The following C1orf185 variants were observed in gnomAD, a reference collection of about 807,000 sequenced individuals.
The protein encoded by C1orf185 is chromosome 1 open reading frame 185.
In C1orf185, 13 loss-of-function variants were observed where a neutral mutation model predicts 16.1. The ratio of observed to expected loss-of-function variants is 0.81; its 90% CI spans 0.53 to 1.28. The LOEUF is 1.28. Among genes scored for constraint, C1orf185 ranks in the 50% most tolerant of loss-of-function variants. The probability of loss-of-function intolerance (pLI) is 0.00; values close to 1 mark genes in which losing one functional copy is unlikely to be tolerated. For missense variants in C1orf185, 220 were observed against 225.2 expected (o/e 0.98, Z 0.15); for synonymous variants, 80 against 76.9 (o/e 1.04, Z -0.21).
chr1:51,135,579 C>T (rs1333158533), intron 3 of C1orf185, among the ~76,000 whole-genome samples: 10 of 151,988 alleles, frequency 6.6e-5, no homozygotes, highest in South Asian at 4.2e-4. Flanking sequence ...CAATAGATGC[C>T]GAAAAGCCTT....
intron 3 of C1orf185, among the ~76,000 whole-genome samples, chr1:51,138,578 G>A (rs1350278251): frequency 6.6e-6 from 1 of 152,118 alleles, no homozygotes; most frequent in Non-Finnish European, 1.5e-5. Flanking sequence ...ATTGTTAGCA[G>A]AGACGGGCTT....
downstream of C1orf185, among the ~76,000 whole-genome samples, chr1:51,152,033 G>A (rs1646431689): frequency 6.6e-6 from 1 of 151,954 alleles, no homozygotes. Flanking sequence ...TCACTATTCT[G>A]CTCAGGTTAC....
chr1:51,131,617 GAA>G (rs954145513), intron 3 of C1orf185, among the ~76,000 whole-genome samples: 2 of 151,738 alleles, frequency 1.3e-5, no homozygotes, highest in Non-Finnish European at 2.9e-5. Flanking sequence ...CTAGCAAAAA[GAA>G]AGAGAGAGAG....
At position 51,147,784 on chromosome 1, in the gene C1orf185, T is replaced by A; in HGVS notation, c.*13T>A. 6.7e-7 allele frequency: 1 copy of A among 1,486,844 alleles called. No homozygotes were observed. Among genetic ancestry groups the A allele is most frequent in the Non-Finnish European group, 9.0e-7 (1 of 1,115,236 alleles). 92.1% of individuals were successfully genotyped at this position (1,486,844 alleles called of 1,614,324 possible). On this transcript the variant is annotated 3_prime_UTR_variant, in exon 5 of 5. Coordinates refer to ENST00000371759, the MANE Select transcript of C1orf185 (RefSeq NM_001136508.2). Reference sequence around the variant, plus strand: ...TGACACTTTATGACCATCAAAAAGATGACTACATTAAGGGAAAATGTTCAT... The same window carrying A: ...TGACACTTTATGACCATCAAAAAGAAGACTACATTAAGGGAAAATGTTCAT...
At chr1:51,112,121 A>C (rs1243021323) in intron 1 of C1orf185, among the ~76,000 whole-genome samples, 1 of 152,088 alleles carries the variant, frequency 6.6e-6, no homozygotes, top group Non-Finnish European at 1.5e-5. Context: ...CCTGCCAGGA[A>C]TGATACGGGA....
At chr1:51,149,407 A>G (rs1646419683), downstream of C1orf185, among the ~76,000 whole-genome samples, 1 of 152,144 alleles carries the variant, frequency 6.6e-6, no homozygotes, top group Admixed American at 6.6e-5. Context: ...GCACCTGGTC[A>G]TTTTTACACA....
chr1:51,132,759 T>C (rs904602972), intron 3 of C1orf185, among the ~76,000 whole-genome samples: 3 of 151,948 alleles, frequency 2.0e-5, no homozygotes, highest in Admixed American at 6.6e-5. Flanking sequence ...CACATAATCA[T>C]TGGATTCTCC....
At chr1:51,105,310 A>C (rs749025229) in intron 1 of C1orf185, among the ~76,000 whole-genome samples, 10 of 152,200 alleles carry the variant, frequency 6.6e-5, no homozygotes, top group South Asian at 6.2e-4. Context: ...AGTAATTGGC[A>C]ATAGAAAATT....
downstream of C1orf185, among the ~76,000 whole-genome samples, chr1:51,152,235 C>T (rs1042589809): frequency 1.3e-5 from 2 of 152,116 alleles, no homozygotes; most frequent in East Asian, 1.9e-4. Context: ...GGACATAGGG[C>T]GGAGGAGTAA....
intron 3 of C1orf185, among the ~76,000 whole-genome samples, chr1:51,122,089 G>A (rs999876672): frequency 5.3e-5 from 8 of 152,206 alleles, no homozygotes; most frequent in East Asian, 1.9e-4. Context: ...TCCAGTTGAT[G>A]TATGTAGCCA....
intron 3 of C1orf185, among the ~76,000 whole-genome samples, chr1:51,119,808 A>T (rs113494293): frequency 1.9e-4 from 29 of 152,280 alleles, no homozygotes; most frequent in African/African-American, 6.0e-4. Flanking sequence ...AAAAACAAAC[A>T]CATTTGTTGA....
intron 3 of C1orf185, among the ~76,000 whole-genome samples, chr1:51,125,489 C>G (rs565286206): frequency 2.6e-5 from 4 of 152,176 alleles, no homozygotes; most frequent in African/African-American, 7.2e-5. Flanking sequence ...TCTTGAAGGG[C>G]CTTGTAAACC....
intron 3 of C1orf185, among the ~76,000 whole-genome samples, chr1:51,139,008 A>C (rs1646346121): frequency 6.6e-6 from 1 of 152,086 alleles, no homozygotes; most frequent in African/African-American, 2.4e-5. Context: ...TTTCTTTTAC[A>C]TATGGATGAT....
At chr1:51,125,006 T>A (rs963037465) in intron 3 of C1orf185, among the ~76,000 whole-genome samples, 3 of 152,082 alleles carry the variant, frequency 2.0e-5, no homozygotes, top group Non-Finnish European at 4.4e-5. Flanking sequence ...TCTTGCTCAT[T>A]TTATGGGTAT....
chr1:51,105,425 C>T (rs1321718195), intron 1 of C1orf185, among the ~76,000 whole-genome samples: 2 of 151,938 alleles, frequency 1.3e-5, no homozygotes, highest in African/African-American at 4.8e-5. Context: ...CATTATAACA[C>T]CCATAATACT....
chr1:51,121,016 A>G, intron 3 of C1orf185, among the ~76,000 whole-genome samples: 1 of 152,236 alleles, frequency 6.6e-6, no homozygotes, highest in East Asian at 1.9e-4. Flanking sequence ...ATCATGTACA[A>G]CATGATGTTT....
chr1:51,110,387 A>G (rs1646107442), intron 1 of C1orf185, among the ~76,000 whole-genome samples: 1 of 152,214 alleles, frequency 6.6e-6, no homozygotes, highest in South Asian at 2.1e-4. Context: ...TATCACTTTG[A>G]GAAATAACCT....
intron 3 of C1orf185, among the ~76,000 whole-genome samples, chr1:51,127,318 C>T (rs188676305): frequency 1.1e-4 from 16 of 151,208 alleles, no homozygotes; most frequent in Admixed American, 1.1e-3. Context: ...GATGGAGTTT[C>T]GCTCTTGTCG....
At chr1:51,118,836 T>C in intron 3 of C1orf185, 35 bp downstream of exon 3, 1 of 1,305,252 alleles carries the variant, frequency 7.7e-7, no homozygotes, top group Non-Finnish European at 1.0e-6. Context: ...TCTTTTCAAA[T>C]AATTTCTTTT....
Sources: allele counts gnomAD v4.1 joint callset (sites outside exome capture counted in the v4.1 genomes callset), GRCh38; gene constraint gnomAD v4.1.1; transcripts MANE v1.5; gene names NCBI Gene and HGNC (gene_info 2026-07-23, HGNC 2026-07-21).